PDE8A: variants seen among roughly 807,000 people sequenced by gnomAD.
PDE8A encodes high affinity cAMP-specific and IBMX-insensitive 3',5'-cyclic phosphodiesterase 8A.
Under a neutral mutation model 105.0 loss-of-function variants are expected in PDE8A, and 59 were observed. The observed-to-expected ratio is 0.56, with a 90% CI of 0.46 to 0.70. The LOEUF is 0.70. PDE8A is among the 30% of genes least tolerant of loss of function. The pLI is 0.00. For missense variants in PDE8A, 1,014 were observed against 1,045.9 expected (o/e 0.97, Z 0.42); for synonymous variants, 355 against 371.9 (o/e 0.95, Z 0.52).
chr15:85,018,998 C>CT (rs977528696), intron 1 of PDE8A, among the ~76,000 whole-genome samples: 4 of 151,862 alleles, frequency 2.6e-5, no homozygotes, highest in African/African-American at 9.7e-5. Flanking sequence ...AGAAATTGTC[C>CT]TTTTTTATAG....
At chr15:85,135,408 C>G (rs1379457966) in intron 20 of PDE8A, among the ~76,000 whole-genome samples, 1 of 152,156 alleles carries the variant, frequency 6.6e-6, no homozygotes, top group Non-Finnish European at 1.5e-5. Flanking sequence ...AGCCCTGGCA[C>G]TGGGGAGAAA....
chr15:85,087,673 GA>G (rs1209507837), intron 6 of PDE8A, among the ~76,000 whole-genome samples: 1 of 151,994 alleles, frequency 6.6e-6, no homozygotes, highest in Non-Finnish European at 1.5e-5. Context: ...GGGATTTATT[GA>G]ATAAATCATA....
At chr15:85,118,250 T>C (rs2082126602) in intron 17 of PDE8A, among the ~76,000 whole-genome samples, 1 of 152,062 alleles carries the variant, frequency 6.6e-6, no homozygotes, top group Non-Finnish European at 1.5e-5. Flanking sequence ...CCAGCACTGC[T>C]CCCACCCAGG....
chr15:85,121,683 G>T (rs986961188), intron 18 of PDE8A, among the ~76,000 whole-genome samples: 3 of 151,980 alleles, frequency 2.0e-5, no homozygotes, highest in Non-Finnish European at 4.4e-5. Flanking sequence ...AGTGGTTTTA[G>T]TATATTCATA....
intron 1 of PDE8A, among the ~76,000 whole-genome samples, chr15:84,993,730 A>T (rs1036711323): frequency 1.3e-5 from 2 of 151,900 alleles, no homozygotes; most frequent in Non-Finnish European, 2.9e-5. Flanking sequence ...AAAAAAAATA[A>T]TAATAAATAA....
intron 1 of PDE8A, among the ~76,000 whole-genome samples, chr15:85,018,501 T>C (rs1451199574): frequency 6.6e-6 from 1 of 152,224 alleles, no homozygotes; most frequent in Admixed American, 6.5e-5. Flanking sequence ...CATGATCTAT[T>C]TAACCAGTCT....
chr15:85,020,535 T>C (rs188296), intron 1 of PDE8A, among the ~76,000 whole-genome samples: 104,772 of 152,114 alleles, frequency 0.69, 36,541 homozygotes, highest in Non-Finnish European at 0.75. Context: ...ACACGGGAGG[T>C]GGAGGTTGCA....
intron 11 of PDE8A, among the ~76,000 whole-genome samples, chr15:85,108,604 T>A (rs1483382164): frequency 1.3e-5 from 2 of 152,150 alleles, no homozygotes; most frequent in African/African-American, 4.8e-5. Context: ...CAAACAGTGT[T>A]CACCATACTA....
intron 1 of PDE8A, among the ~76,000 whole-genome samples, chr15:84,991,437 A>C (rs1596411436): frequency 6.6e-6 from 1 of 152,230 alleles, no homozygotes; most frequent in South Asian, 2.1e-4. Flanking sequence ...ATAACATTTT[A>C]TACTCATCAA....
intron 3 of PDE8A, among the ~76,000 whole-genome samples, chr15:85,070,055 A>G (rs930206221): frequency 1.3e-5 from 2 of 152,126 alleles, no homozygotes; most frequent in African/African-American, 4.8e-5. Context: ...CCCCCGAACC[A>G]GCTTGCCCTG....
chr15:85,075,952 G>A (rs768361365), intron 4 of PDE8A, 34 bp downstream of exon 4: 19 of 1,213,398 alleles, frequency 1.6e-5, no homozygotes, highest in East Asian at 2.3e-5. Flanking sequence ...TGAAATTGAG[G>A]TACCAGTGTA....
rs190732632 is a variant in PDE8A, at chr15:85,010,034, G to A, written c.186+27686G>A. 7.6e-4 allele frequency among the ~76,000 whole-genome samples: 115 copies of A among 152,296 alleles called. 2 individuals carry two copies. Among genetic ancestry groups the A allele is most frequent in the Non-Finnish European group, 1.6e-4 (11 of 68,022 alleles). On this transcript the variant is annotated intron_variant, in intron 1 of 21. Transcript: ENST00000394553. ...GAAGCCAGACAAAAAAAGATTACATGCTATATGATTTAGTTTATACAAAGT... is the reference window on the plus strand; with the variant it reads ...GAAGCCAGACAAAAAAAGATTACATACTATATGATTTAGTTTATACAAAGT...
intron 1 of PDE8A, among the ~76,000 whole-genome samples, chr15:85,036,637 G>C (rs1277133811): frequency 6.6e-6 from 1 of 152,140 alleles, no homozygotes; most frequent in African/African-American, 2.4e-5. Flanking sequence ...ATCAGGCTGA[G>C]AGGACTCCAG....
chr15:85,110,369 C>T (rs768601013), intron 12 of PDE8A, among the ~76,000 whole-genome samples: 2 of 152,164 alleles, frequency 1.3e-5, no homozygotes, highest in Admixed American at 1.3e-4. Context: ...ATGAAATTCA[C>T]TTAAGTTTCA....
chr15:85,131,777 A>C (rs1267380520), intron 20 of PDE8A, among the ~76,000 whole-genome samples: 1 of 152,114 alleles, frequency 6.6e-6, no homozygotes, highest in Non-Finnish European at 1.5e-5. Context: ...TTTGTAGGTC[A>C]GGTCTAATGG....
In PDE8A at chr15:85,048,774, C is replaced by A. The variant is rs540140988; in HGVS notation, c.187-15596C>A. On this transcript the variant is annotated intron_variant, in intron 1 of 21. Transcript: ENST00000394553. Reference sequence around the variant, plus strand: ...CGTGAGAGTATGATGATTATACAGACCATTTCAAGCACTTGAAAGTTGATT... The same window carrying A: ...CGTGAGAGTATGATGATTATACAGAACATTTCAAGCACTTGAAAGTTGATT... Among the ~76,000 whole-genome samples the A allele has an allele frequency of 1.4e-4, 21 of 152,296 alleles. 1 individual carries two copies. The South Asian group carries it at 2.1e-3, about 15-fold the overall frequency.
chr15:84,981,048 C>T (rs1434113282), upstream of PDE8A, among the ~76,000 whole-genome samples: 1 of 152,228 alleles, frequency 6.6e-6, no homozygotes, highest in Non-Finnish European at 1.5e-5. Context: ...GTCTTTCCAC[C>T]GGCCTCTTTT....
Position 85,090,168 on chromosome 15 carries a change from T to A in PDE8A, c.714+752T>A, listed in dbSNP as rs1019047690. On this transcript the variant is annotated intron_variant, in intron 7 of 21. Coordinates refer to ENST00000394553, the MANE Select transcript of PDE8A (RefSeq NM_002605.3). ...CAGTGTTTGAGGGCACAGGCTTTGGTGTCAGACGGGCCTGGGCTCCATCCT... is the reference window on the plus strand; with the variant it reads ...CAGTGTTTGAGGGCACAGGCTTTGGAGTCAGACGGGCCTGGGCTCCATCCT... 2.6e-5 allele frequency among the ~76,000 whole-genome samples: 4 copies of A among 152,284 alleles called. No individual in the cohort carries two copies. In the South Asian group the frequency reaches 8.3e-4, roughly 32 times the overall value.
At chr15:85,100,695 C>T (rs780656561) in intron 11 of PDE8A, among the ~76,000 whole-genome samples, 1 of 152,212 alleles carries the variant, frequency 6.6e-6, no homozygotes, top group Non-Finnish European at 1.5e-5. Context: ...TTTGGAGTCA[C>T]CTGTTTCCTT....
Sources: allele counts gnomAD v4.1 joint callset (sites outside exome capture counted in the v4.1 genomes callset), GRCh38; gene constraint gnomAD v4.1.1; transcripts MANE v1.5; gene names NCBI Gene and HGNC (gene_info 2026-07-23, HGNC 2026-07-21).